MLIP: variants seen among roughly 807,000 people sequenced by gnomAD.
The protein encoded by MLIP is muscular LMNA-interacting protein.
A neutral mutation model predicts 84.8 loss-of-function variants in MLIP; 79 were observed. The observed-to-expected ratio is 0.93, with a 90% CI of 0.78 to 1.12. MLIP has a LOEUF of 1.12. Ranked by LOEUF, MLIP falls within the 50% of genes most tolerant of loss-of-function variation. MLIP has a pLI of 0.00. For synonymous variants in MLIP, 504 were observed against 463.0 expected, an observed-to-expected ratio of 1.09 and a Z score of -1.14; for missense variants, 1,257 against 1,160.6, an observed-to-expected ratio of 1.08 and a Z score of -1.21.
chr6:54,249,867 G>A (rs926302781), intron 12 of MLIP, among the ~76,000 whole-genome samples: 8 of 151,894 alleles, frequency 5.3e-5, no homozygotes, highest in Admixed American at 3.9e-4. Context: ...ACGTTAAGGG[G>A]ATTTGTCATA....
chr6:54,026,057 C>T (rs1469217249), intron 1 of MLIP, among the ~76,000 whole-genome samples: 9 of 152,116 alleles, frequency 5.9e-5, no homozygotes, highest in Non-Finnish European at 1.2e-4. Flanking sequence ...AGTAAGCATC[C>T]GTCAGCTGGA....
chr6:54,093,654 G>A (rs1459012459), intron 1 of MLIP, among the ~76,000 whole-genome samples: 2 of 152,166 alleles, frequency 1.3e-5, no homozygotes, highest in African/African-American at 4.8e-5. Flanking sequence ...AGTCCAGAAA[G>A]CACTTTCGGA....
At chr6:54,256,784 T>C (rs1783034078) in intron 12 of MLIP, among the ~76,000 whole-genome samples, 1 of 152,164 alleles carries the variant, frequency 6.6e-6, no homozygotes, top group Non-Finnish European at 1.5e-5. Flanking sequence ...TTACAATGTT[T>C]ATGAAGTCTG....
At chr6:54,169,601 CT>C in intron 9 of MLIP, 29 bp downstream of exon 9, 1 of 1,502,600 alleles carries the variant, frequency 6.7e-7, no homozygotes, top group Non-Finnish European at 9.1e-7. Context: ...ATACACACTG[CT>C]TTTCAAATGG....
At chr6:54,046,493 A>G (rs945010958) in intron 1 of MLIP, 1 of 152,196 alleles carries the variant, frequency 6.6e-6, no homozygotes, top group African/African-American at 2.4e-5. Flanking sequence ...ATCTTTTCTT[A>G]ATGTATGATG....
chr6:54,115,675 G>A (rs1480541810), intron 1 of MLIP, among the ~76,000 whole-genome samples: 1 of 152,184 alleles, frequency 6.6e-6, no homozygotes, highest in Non-Finnish European at 1.5e-5. Context: ...AAGGAAAGAA[G>A]CATTTAATAC....
chr6:54,230,592 T>G, intron 11 of MLIP, 122 bp from the exon 12 acceptor site: 2 of 817,612 alleles, frequency 2.4e-6, no homozygotes, highest in Non-Finnish European at 4.1e-6. Flanking sequence ...CACCATCTCA[T>G]GAGGAGAGGT....
intron 12 of MLIP, among the ~76,000 whole-genome samples, chr6:54,242,336 T>C (rs1238738124): frequency 6.6e-6 from 1 of 152,222 alleles, no homozygotes; most frequent in Non-Finnish European, 1.5e-5. Context: ...TTTTCAAATT[T>C]AGTACGTGTG....
intron 11 of MLIP, chr6:54,216,398 C>T (rs937436478): frequency 1.6e-5 from 16 of 985,124 alleles, no homozygotes; most frequent in East Asian, 2.3e-4. Context: ...TATAGAAAAA[C>T]ATAAAACTCA....
chr6:54,217,173 T>C (rs1779911650), intron 11 of MLIP: 1 of 985,396 alleles, frequency 1.0e-6, no homozygotes, highest in South Asian at 4.7e-5. Context: ...AGGTGTCTTG[T>C]ACTCAGACAG....
chr6:54,229,262 A>T (rs1780811944), intron 11 of MLIP, among the ~76,000 whole-genome samples: 1 of 152,216 alleles, frequency 6.6e-6, no homozygotes, highest in Admixed American at 6.5e-5. Flanking sequence ...TCATGTACTG[A>T]TACAGAAAAA....
intron 1 of MLIP, among the ~76,000 whole-genome samples, chr6:54,118,295 T>C (rs948823940): frequency 2.0e-5 from 3 of 152,120 alleles, no homozygotes. Context: ...GTAACCAAAA[T>C]AGCATGATGC....
In MLIP at chr6:54,028,100, T is replaced by G. The variant is rs1053396743; in HGVS notation, c.63+9009T>G. 2.6e-5 allele frequency among the ~76,000 whole-genome samples: 4 copies of G among 152,222 alleles called. No homozygotes were observed. In the East Asian group the frequency reaches 5.8e-4, roughly 22 times the overall value. Reference sequence around the variant, plus strand: ...GAATCATTTGCTTTATTTTGCTACATGACCTTCATGAAAATAAGGAGATGA... The same window carrying G: ...GAATCATTTGCTTTATTTTGCTACAGGACCTTCATGAAAATAAGGAGATGA... On this transcript the variant is annotated intron_variant, in intron 1 of 12. Transcript: ENST00000274897.
chr6:54,103,425 G>A (rs527270291), intron 1 of MLIP, among the ~76,000 whole-genome samples: 2 of 152,224 alleles, frequency 1.3e-5, no homozygotes, highest in African/African-American at 2.4e-5. Flanking sequence ...CAGTTTGTGC[G>A]ATAAATTCTA....
At chr6:54,061,777 A>G (rs1174199960) in intron 1 of MLIP, among the ~76,000 whole-genome samples, 2 of 152,180 alleles carry the variant, frequency 1.3e-5, no homozygotes, top group African/African-American at 4.8e-5. Context: ...GAAGATGTAA[A>G]AGACTAAAGA....
In MLIP at chr6:54,169,662, GAATT is replaced by G. The variant is rs746944206; in HGVS notation, c.2544+95_2544+98del. Reference sequence around the variant, plus strand: ...ACACTATTATACAGTAATTTAAATAGAATTAATTGTTTTTTTATAAGTTGAAGGG... The same window carrying G: ...ACACTATTATACAGTAATTTAAATAGAATTGTTTTTTTATAAGTTGAAGGG... On this transcript the variant is annotated intron_variant, in intron 9 of 13. Coordinates refer to ENST00000502396, the MANE Select transcript of MLIP (RefSeq NM_001281747.2). 3.9e-6 allele frequency: 3 copies of G among 773,800 alleles called. 1 individual carries two copies. The highest frequency in any genetic ancestry group is 5.7e-6 in the Non-Finnish European group (3 of 522,310). 47.9% of individuals were successfully genotyped at this position (773,800 alleles called of 1,614,324 possible).
At chr6:54,249,140 A>C (rs535795534) in intron 12 of MLIP, among the ~76,000 whole-genome samples, 2 of 152,040 alleles carry the variant, frequency 1.3e-5, no homozygotes, top group Non-Finnish European at 2.9e-5. Flanking sequence ...AGGTAGCATC[A>C]GTTATCAATC....
At chr6:54,225,151 TA>T (rs1397938760) in intron 11 of MLIP, among the ~76,000 whole-genome samples, 1 of 152,168 alleles carries the variant, frequency 6.6e-6, no homozygotes, top group African/African-American at 2.4e-5. Flanking sequence ...TTTAGTTCTT[TA>T]AGGAATCTCC....
chr6:54,067,198 C>T (rs1035431212), intron 1 of MLIP, among the ~76,000 whole-genome samples: 6 of 100,554 alleles, frequency 6.0e-5, no homozygotes, highest in African/African-American at 1.3e-4. Context: ...AGAACTATCA[C>T]GAATTTTAAA....
Sources: allele counts gnomAD v4.1 joint callset (sites outside exome capture counted in the v4.1 genomes callset), GRCh38; gene constraint gnomAD v4.1.1; transcripts MANE v1.5; gene names NCBI Gene and HGNC (gene_info 2026-07-23, HGNC 2026-07-21).